The following TRIM33 variants were observed in gnomAD, a reference collection of about 807,000 sequenced individuals.
TRIM33 encodes the protein E3 ubiquitin-protein ligase TRIM33.
Under a neutral mutation model 125.4 loss-of-function variants are expected in TRIM33, and 20 were observed. The ratio of observed to expected loss-of-function variants is 0.16; its 90% CI spans 0.11 to 0.23. The LOEUF (loss-of-function observed/expected upper bound fraction) is 0.23. Among genes scored for constraint, TRIM33 ranks in the 10% least tolerant of loss-of-function variants. The pLI is 1.00. For synonymous variants in TRIM33, 564 were observed against 513.9 expected (o/e 1.10, Z -1.32); for missense variants, 920 against 1,411.4 (o/e 0.65, Z 5.58).
Position 114,396,605 on chromosome 1 carries a change from C to A in TRIM33, c.*1043G>T, listed in dbSNP as rs1004854843. The A allele has an allele frequency of 4.5e-5, 9 of 199,592 alleles. No individual in the cohort carries two copies. The highest frequency in any genetic ancestry group is 1.2e-4 in the African/African-American group (5 of 43,446). The allele number at this position is 199,592 out of a possible 1,614,324, so 12.4% of individuals were successfully genotyped here. The stretch of plus-strand genomic sequence containing the variant: ...CTTGATAGGAACATTAGTAAGAATA[C>A]ACATTAGCTTAAAAAACAGGCTCAG... On this transcript the variant is annotated 3_prime_UTR_variant, in exon 20 of 20. Transcript: ENST00000358465.
chr1:114,461,882 C>T (rs1415003553), intron 4 of TRIM33, among the ~76,000 whole-genome samples: 1 of 152,134 alleles, frequency 6.6e-6, no homozygotes, highest in Non-Finnish European at 1.5e-5. Context: ...AAATTAAGAG[C>T]ACAAAAATTT....
intron 17 of TRIM33, among the ~76,000 whole-genome samples, chr1:114,400,531 G>C (rs993693336): frequency 3.9e-5 from 6 of 152,148 alleles, no homozygotes; most frequent in Non-Finnish European, 2.9e-5. Flanking sequence ...TCCATAAAAA[G>C]AAAACATTTG....
At chr1:114,492,124 T>C (rs1048864393) in intron 1 of TRIM33, among the ~76,000 whole-genome samples, 2 of 152,196 alleles carry the variant, frequency 1.3e-5, no homozygotes, top group African/African-American at 4.8e-5. Context: ...GCGAGTCAAA[T>C]TTTTTGCTGC....
chr1:114,413,260 T>A (rs1337488857), intron 11 of TRIM33, among the ~76,000 whole-genome samples: 1 of 151,856 alleles, frequency 6.6e-6, no homozygotes, highest in Non-Finnish European at 1.5e-5. Flanking sequence ...AGAACTGACA[T>A]GAAAAAGTCC....
At chr1:114,470,307 C>T (rs549477642) in intron 1 of TRIM33, among the ~76,000 whole-genome samples, 2 of 152,238 alleles carry the variant, frequency 1.3e-5, no homozygotes, top group South Asian at 2.1e-4. Context: ...GCTCACTGTG[C>T]GTCTTTCTGT....
chr1:114,473,372 G>A (rs1489460016), intron 1 of TRIM33, among the ~76,000 whole-genome samples: 1 of 152,098 alleles, frequency 6.6e-6, no homozygotes, highest in East Asian at 1.9e-4. Context: ...GGGAGGGGAA[G>A]GGGTTCTTAT....
chr1:114,420,295 A>G lies in TRIM33; in HGVS notation c.2061+1141T>C, dbSNP rs911333609. ...TCTCAGTATAAGCCTCAAAGTGTCT[A>G]CTATCTTGGCCTTCTAACCCCATCC... On this transcript the variant is annotated intron_variant, in intron 11 of 19. Coordinates refer to ENST00000358465, the MANE Select transcript of TRIM33 (RefSeq NM_015906.4). 2.0e-5 allele frequency: 13 copies of G among 643,062 alleles called. No homozygotes were observed. The African/African-American group carries it at 2.4e-4, about 12-fold the overall frequency. 39.8% of individuals were successfully genotyped at this position (643,062 alleles called of 1,614,324 possible).
intron 1 of TRIM33, among the ~76,000 whole-genome samples, chr1:114,475,924 C>T (rs942147084): frequency 2.6e-5 from 4 of 151,916 alleles, no homozygotes; most frequent in African/African-American, 4.8e-5. Context: ...TGCTTGAGCC[C>T]GGGAGGTGGA....
chr1:114,455,662 T>C (rs1039923302), intron 4 of TRIM33, among the ~76,000 whole-genome samples: 40 of 152,282 alleles, frequency 2.6e-4, no homozygotes, highest in East Asian at 9.7e-4. Flanking sequence ...ACAGATGGAA[T>C]TGAAACAAAG....
intron 5 of TRIM33, among the ~76,000 whole-genome samples, chr1:114,432,764 C>A (rs910982309): frequency 6.6e-6 from 1 of 151,782 alleles, no homozygotes. Flanking sequence ...CCAGCCTGGG[C>A]GACAGACCGA....
intron 4 of TRIM33, among the ~76,000 whole-genome samples, chr1:114,437,009 C>T (rs550504143): frequency 2.0e-5 from 3 of 152,298 alleles, no homozygotes; most frequent in African/African-American, 7.2e-5. Context: ...TCAACATATA[C>T]GCATTTGATA....
intron 6 of TRIM33, among the ~76,000 whole-genome samples, chr1:114,430,480 G>A (rs996207681): frequency 2.0e-5 from 3 of 152,190 alleles, no homozygotes; most frequent in African/African-American, 4.8e-5. Flanking sequence ...GGGCTCAAGC[G>A]ATCTGTCTGC....
Position 114,397,678 on chromosome 1 carries a change from C to CTT in TRIM33, c.3352_3353dup (p.Asp1120GlnfsTer8). 6.7e-7 allele frequency: 1 copy of CTT among 1,489,486 alleles called. No individual in the cohort carries two copies. Among genetic ancestry groups the CTT allele is most frequent in the Non-Finnish European group, 9.0e-7 (1 of 1,105,798 alleles). 92.3% of individuals were successfully genotyped at this position (1,489,486 alleles called of 1,614,324 possible). A position where few individuals can be genotyped will look rare whatever the true frequency, so the allele number is the denominator to read the frequency against. On this transcript the variant is annotated frameshift_variant, in exon 20 of 20. Transcript: ENST00000358465. LOFTEE classifies it high-confidence loss of function. ...TTATATGTACTGGTCTCTCATCTGA[C>CTT]TTTAGGCGTTTTCTGCGGGGCTGTA...
intron 4 of TRIM33, among the ~76,000 whole-genome samples, chr1:114,438,681 ACTT>A (rs148763319): frequency 0.043 from 6,580 of 152,262 alleles, 151 homozygotes; most frequent in African/African-American, 0.063. Flanking sequence ...TCTGTGTCTC[ACTT>A]CTTCTCCAGT....
intron 1 of TRIM33, among the ~76,000 whole-genome samples, chr1:114,465,441 T>C (rs986157051): frequency 6.6e-6 from 1 of 152,196 alleles, no homozygotes; most frequent in African/African-American, 2.4e-5. Flanking sequence ...CAAGTCCCCA[T>C]GAGTTGTGTA....
In TRIM33 at chr1:114,394,531, C is replaced by T. The variant is rs2101065288; in HGVS notation, c.*3117G>A. Reference sequence around the variant, plus strand: ...TAAAAGCATTATTTATTTCAATTAACTAAAAATTCCAAAACTTATCACAAA... The same window carrying T: ...TAAAAGCATTATTTATTTCAATTAATTAAAAATTCCAAAACTTATCACAAA... On this transcript the variant is annotated 3_prime_UTR_variant, in exon 20 of 20. Transcript: ENST00000358465. The T allele has an allele frequency of 4.7e-6, 1 of 211,278 alleles. No homozygotes were observed. The allele number at this position is 211,278 out of a possible 1,614,324, so 13.1% of individuals were successfully genotyped here.
At chr1:114,480,685 T>C (rs57354870) in intron 1 of TRIM33, among the ~76,000 whole-genome samples, 1 of 152,170 alleles carries the variant, frequency 6.6e-6, no homozygotes, top group African/African-American at 2.4e-5. Context: ...CAAAATGGCA[T>C]ACCTAAATCC....
chr1:114,510,926 C>T lies in TRIM33; in HGVS notation c.151G>A (p.Gly51Ser), dbSNP rs1185411633. 1.2e-5 allele frequency: 17 copies of T among 1,419,158 alleles called. No homozygotes were observed. The highest frequency in any genetic ancestry group is 5.6e-5 in the Admixed American group (2 of 35,534). 87.9% of individuals were successfully genotyped at this position (1,419,158 alleles called of 1,614,324 possible). Residue 51 changes from glycine (G) to serine (S), a missense_variant, in exon 1 of 20, where the codon GGC becomes AGC. Coordinates refer to ENST00000358465, the MANE Select transcript of TRIM33 (RefSeq NM_015906.4). ...VLVEEEEEEG[G>S]RAGAEGGAAG... ...GCGCCGCCCTCAGCGCCGGCCCTGC[C>T]GCCTTCCTCCTCCTCCTCCTCCACC...
At position 114,397,873 on chromosome 1, in the gene TRIM33, GAT is replaced by G; in HGVS notation, c.3172-15_3172-14del. 1 of 1,613,840 alleles carries G rather than the reference GAT, an allele frequency of 6.2e-7. No homozygotes were observed. Among genetic ancestry groups the G allele is most frequent in the Non-Finnish European group, 8.5e-7 (1 of 1,179,894 alleles). ...CTTCTGAATCAGCCTGCAAGCAAAAGATAGGAATATTCACCTATTGGTAATGC... is the reference window on the plus strand; with the variant it reads ...CTTCTGAATCAGCCTGCAAGCAAAAGAGGAATATTCACCTATTGGTAATGC... On this transcript the variant is annotated splice_polypyrimidine_tract_variant and intron_variant, in intron 19 of 19. Coordinates refer to ENST00000358465, the MANE Select transcript of TRIM33 (RefSeq NM_015906.4).
Sources: gnomAD v4.1 joint callset for allele counts (sites outside exome capture counted in the v4.1 genomes callset) on GRCh38, gnomAD v4.1.1 for gene constraint, MANE v1.5 for transcripts, NCBI Gene and HGNC (gene_info 2026-07-23, HGNC 2026-07-21) for gene names.